The following TJP2 variants were observed in gnomAD, a reference collection of about 807,000 sequenced individuals.
The protein encoded by TJP2 is Friedreich ataxia region gene X104 (tight junction protein ZO-2).
Under a neutral mutation model 133.1 loss-of-function variants are expected in TJP2, and 91 were observed. That is an observed-to-expected ratio of 0.68 (90% CI 0.58 to 0.81). TJP2 has a LOEUF of 0.81. Ranked by LOEUF, TJP2 falls within the 40% of genes least tolerant of loss-of-function variation. The pLI is 0.00. For synonymous variants in TJP2, 592 were observed against 583.4 expected, an observed-to-expected ratio of 1.01 and a Z score of -0.21; for missense variants, 1,541 against 1,565.6, an observed-to-expected ratio of 0.98 and a Z score of 0.26.
At chr9:69,252,972 C>G in intron 22 of TJP2, 72 bp downstream of exon 22, 1 of 1,440,514 alleles carries the variant, frequency 6.9e-7, no homozygotes, top group Non-Finnish European at 9.7e-7. Flanking sequence ...GAAAGAATTT[C>G]CTTTACCCAA....
chr9:69,150,909 A>G (rs1295384824), intron 1 of TJP2, among the ~76,000 whole-genome samples: 1 of 152,238 alleles, frequency 6.6e-6, no homozygotes, highest in African/African-American at 2.4e-5. Flanking sequence ...TATCCATACA[A>G]TGTAATATTA....
intron 2 of TJP2, among the ~76,000 whole-genome samples, chr9:69,152,661 A>C (rs187224393): frequency 9.2e-5 from 14 of 152,094 alleles, no homozygotes; most frequent in South Asian, 2.1e-4. Flanking sequence ...AAACTAAATG[A>C]GTTAATGGGC....
chr9:69,245,024 A>G (rs988163441), intron 17 of TJP2, among the ~76,000 whole-genome samples: 5 of 152,308 alleles, frequency 3.3e-5, no homozygotes, highest in Non-Finnish European at 5.9e-5. Context: ...TAAATCACTC[A>G]TTTTGTCTCT....
At chr9:69,166,716 C>G (rs911415706) in intron 2 of TJP2, among the ~76,000 whole-genome samples, 8 of 148,810 alleles carry the variant, frequency 5.4e-5, no homozygotes, top group African/African-American at 1.5e-4. Context: ...CTCAAGTGAT[C>G]TGCCTCCCAA....
At chr9:69,183,534 C>T (rs1024280145) in intron 1 of TJP2, among the ~76,000 whole-genome samples, 3 of 152,100 alleles carry the variant, frequency 2.0e-5, no homozygotes, top group African/African-American at 4.8e-5. Flanking sequence ...GCCACTGAGT[C>T]GTATTCCATT....
intron 1 of TJP2, among the ~76,000 whole-genome samples, chr9:69,147,672 GA>G (rs1467055581): frequency 3.9e-5 from 6 of 152,128 alleles, no homozygotes; most frequent in African/African-American, 1.4e-4. Context: ...CTAGCAATTG[GA>G]ATAAGTACCC....
chr9:69,178,764 T>A (rs1405324416), intron 1 of TJP2, among the ~76,000 whole-genome samples: 1 of 152,232 alleles, frequency 6.6e-6, no homozygotes, highest in Non-Finnish European at 1.5e-5. Context: ...CTGCAGTTTT[T>A]AAAGGTCTGT....
chr9:69,247,857 A>T (rs2133464276), intron 18 of TJP2, among the ~76,000 whole-genome samples, 155 bp from the exon 19 acceptor site: 1 of 152,308 alleles, frequency 6.6e-6, no homozygotes, highest in South Asian at 2.1e-4. Flanking sequence ...ATTGTACCAA[A>T]GCCAAGTGAT....
At chr9:69,151,869 T>TA in intron 2 of TJP2, 1 of 1,176,426 alleles carries the variant, frequency 8.5e-7, no homozygotes, top group Non-Finnish European at 1.1e-6. Context: ...TAGTCAGAGT[T>TA]ACCATTTTTG....
chr9:69,159,402 TATAATATTG>T (rs1330222178), intron 2 of TJP2, among the ~76,000 whole-genome samples: 1 of 24,436 alleles, frequency 4.1e-5, no homozygotes, highest in Admixed American at 4.1e-4. Context: ...ATATTTGAAA[TATAATATTG>T]ATATTGATAT....
intron 5 of TJP2, among the ~76,000 whole-genome samples, chr9:69,224,626 G>A (rs902509963): frequency 3.3e-5 from 5 of 152,120 alleles, no homozygotes; most frequent in African/African-American, 1.2e-4. Flanking sequence ...GCAGTGAGCT[G>A]AGATCATGCC....
chr9:69,240,508 A>G (rs1830507209), intron 17 of TJP2, among the ~76,000 whole-genome samples: 1 of 152,230 alleles, frequency 6.6e-6, no homozygotes, highest in Non-Finnish European at 1.5e-5. Flanking sequence ...GCATTAACTT[A>G]CAAAGCGAAA....
intron 2 of TJP2, among the ~76,000 whole-genome samples, chr9:69,156,542 T>G (rs1823772064): frequency 6.9e-6 from 1 of 145,332 alleles, no homozygotes; most frequent in South Asian, 2.3e-4. Flanking sequence ...TTTTTTTTTT[T>G]TTTTTTTGAG....
intron 1 of TJP2, among the ~76,000 whole-genome samples, chr9:69,188,985 A>G (rs1219410824): frequency 5.9e-5 from 9 of 152,214 alleles, no homozygotes; most frequent in Admixed American, 5.9e-4. Context: ...ATTCCATTGC[A>G]AGTTACCTTG....
chr9:69,218,186 G>T (rs1828537149), intron 3 of TJP2, 71 bp from the exon 4 acceptor site: 2 of 1,279,992 alleles, frequency 1.6e-6, no homozygotes, highest in Non-Finnish European at 1.1e-6. Context: ...GCTTCTATTT[G>T]TTCCTAAATA....
intron 1 of TJP2, among the ~76,000 whole-genome samples, chr9:69,136,670 A>C (rs1478767002): frequency 6.6e-6 from 1 of 152,176 alleles, no homozygotes; most frequent in East Asian, 1.9e-4. Context: ...TGAATGCAGG[A>C]GGAAACTACA....
chr9:69,228,673 A>G (rs1829533635), intron 9 of TJP2, among the ~76,000 whole-genome samples: 1 of 152,182 alleles, frequency 6.6e-6, no homozygotes, highest in African/African-American at 2.4e-5. Context: ...AGAAGGAAAT[A>G]AAAAATTATA....
chr9:69,156,443 A>G (rs1377029765), intron 2 of TJP2, among the ~76,000 whole-genome samples: 1 of 152,130 alleles, frequency 6.6e-6, no homozygotes, highest in Non-Finnish European at 1.5e-5. Flanking sequence ...GGTCCTAACG[A>G]CATGTGCCCA....
At chr9:69,183,175 T>C (rs530468033) in intron 1 of TJP2, among the ~76,000 whole-genome samples, 69 of 152,324 alleles carry the variant, frequency 4.5e-4, no homozygotes, top group South Asian at 8.3e-4. Flanking sequence ...TAAAATTCAA[T>C]GGCATTTAAT....
Sources: allele counts gnomAD v4.1 joint callset (sites outside exome capture counted in the v4.1 genomes callset), GRCh38; gene constraint gnomAD v4.1.1; transcripts MANE v1.5; gene names NCBI Gene and HGNC (gene_info 2026-07-23, HGNC 2026-07-21).